ADAMTSL1: variants seen among roughly 807,000 people sequenced by gnomAD.
ADAMTSL1 encodes ADAMTS like 1, also known as ADAMTS-like protein 1.
Under a neutral mutation model 201.8 loss-of-function variants are expected in ADAMTSL1, and 126 were observed. The observed-to-expected ratio is 0.62, with a 90% CI of 0.54 to 0.72. The LOEUF (loss-of-function observed/expected upper bound fraction) is 0.72, where lower values mean the gene tolerates loss of function less well. Among genes scored for constraint, ADAMTSL1 ranks in the 30% least tolerant of loss-of-function variants. ADAMTSL1 has a pLI of 0.00. For missense variants in ADAMTSL1, 2,679 were observed against 2,277.8 expected, an observed-to-expected ratio of 1.18 and a Z score of -3.59; for synonymous variants, 1,121 against 903.4, an observed-to-expected ratio of 1.24 and a Z score of -4.32.
At chr9:18,279,881 G>C (rs775219049) in intron 2 of ADAMTSL1, among the ~76,000 whole-genome samples, 1 of 152,160 alleles carries the variant, frequency 6.6e-6, no homozygotes, top group Admixed American at 6.5e-5. Flanking sequence ...GGGGCCACCA[G>C]GACCAGCCTG....
chr9:18,170,725 C>T (rs528388179), intron 2 of ADAMTSL1, among the ~76,000 whole-genome samples: 1 of 152,020 alleles, frequency 6.6e-6, no homozygotes. Context: ...AGATAGTAAA[C>T]TACTGGTTAG....
chr9:18,794,590 A>G (rs1317321532), intron 19 of ADAMTSL1, among the ~76,000 whole-genome samples: 1 of 151,898 alleles, frequency 6.6e-6, no homozygotes, highest in African/African-American at 2.4e-5. Flanking sequence ...TTCTACCTGC[A>G]AACCTGAACA....
intron 2 of ADAMTSL1, among the ~76,000 whole-genome samples, chr9:18,307,388 C>T (rs1833950097): frequency 6.6e-6 from 1 of 152,052 alleles, no homozygotes; most frequent in Non-Finnish European, 1.5e-5. Flanking sequence ...CCAATTAAGA[C>T]ACAGACTGGA....
chr9:18,599,940 C>G (rs1824519687), intron 4 of ADAMTSL1, among the ~76,000 whole-genome samples: 1 of 135,316 alleles, frequency 7.4e-6, no homozygotes, highest in South Asian at 2.3e-4. Context: ...ATCAGAAGGT[C>G]AGGAAATCGA....
At chr9:18,610,000 C>T (rs746632362) in intron 4 of ADAMTSL1, among the ~76,000 whole-genome samples, 3 of 152,188 alleles carry the variant, frequency 2.0e-5, no homozygotes, top group Non-Finnish European at 4.4e-5. Flanking sequence ...CAATGTCATG[C>T]TGCCTCTTTT....
At chr9:18,187,849 A>C (rs551039510) in intron 2 of ADAMTSL1, among the ~76,000 whole-genome samples, 28 of 152,292 alleles carry the variant, frequency 1.8e-4, no homozygotes, top group Middle Eastern at 3.4e-3. Flanking sequence ...TGTCACTAAG[A>C]AGGAAATAAA....
chr9:18,806,929 G>T (rs4977446), intron 20 of ADAMTSL1, among the ~76,000 whole-genome samples: 52,095 of 151,724 alleles, frequency 0.34, 9,144 homozygotes, highest in East Asian at 0.5. Context: ...AGGCTCTCCT[G>T]TTGTGTAAGA....
chr9:18,589,195 C>A (rs374372187), intron 4 of ADAMTSL1, among the ~76,000 whole-genome samples: 1 of 151,992 alleles, frequency 6.6e-6, no homozygotes, highest in South Asian at 2.1e-4. Flanking sequence ...AATATTAATT[C>A]TTCTAATCCA....
intron 3 of ADAMTSL1, among the ~76,000 whole-genome samples, chr9:18,555,767 C>G (rs1821072879): frequency 1.3e-5 from 2 of 151,820 alleles, no homozygotes; most frequent in South Asian, 4.2e-4. Flanking sequence ...ATCATGTCAG[C>G]CAGAGGAGTG....
At chr9:18,402,750 C>T (rs1818031838) in intron 2 of ADAMTSL1, among the ~76,000 whole-genome samples, 1 of 152,158 alleles carries the variant, frequency 6.6e-6, no homozygotes, top group Non-Finnish European at 1.5e-5. Context: ...GTTCAGGCAC[C>T]ATTCCTTCCA....
intron 2 of ADAMTSL1, among the ~76,000 whole-genome samples, chr9:18,189,665 T>C (rs1828888393): frequency 6.6e-6 from 1 of 152,130 alleles, no homozygotes. Context: ...CTGTATAGGG[T>C]AAAAGCCTGA....
chr9:17,984,901 A>G (rs912093959), intron 1 of ADAMTSL1, among the ~76,000 whole-genome samples: 1 of 152,134 alleles, frequency 6.6e-6, no homozygotes, highest in South Asian at 2.1e-4. Flanking sequence ...TTTAAATGTT[A>G]CTTAAATTTT....
chr9:18,442,851 A>G (rs984035430), intron 2 of ADAMTSL1, among the ~76,000 whole-genome samples: 3 of 152,180 alleles, frequency 2.0e-5, no homozygotes, highest in African/African-American at 7.2e-5. Flanking sequence ...CTGCCCTCCA[A>G]GGGAGAGCAG....
intron 14 of ADAMTSL1, among the ~76,000 whole-genome samples, chr9:18,719,686 A>G (rs1053988277): frequency 1.1e-4 from 16 of 152,216 alleles, no homozygotes; most frequent in East Asian, 3.9e-4. Context: ...TTTTTAAAAA[A>G]TGTTTAATTT....
chr9:18,544,343 G>A (rs1820344883), intron 3 of ADAMTSL1, among the ~76,000 whole-genome samples: 2 of 152,028 alleles, frequency 1.3e-5, no homozygotes, highest in African/African-American at 4.8e-5. Flanking sequence ...ATATTCCTTG[G>A]CTAAGGACAA....
At chr9:18,772,128 G>T (rs754487148) in intron 17 of ADAMTSL1, among the ~76,000 whole-genome samples, 3 of 152,148 alleles carry the variant, frequency 2.0e-5, no homozygotes, top group Non-Finnish European at 4.4e-5. Context: ...CAATTTTTCC[G>T]TGGGAATGTT....
chr9:18,024,870 A>T (rs955447409), intron 1 of ADAMTSL1, among the ~76,000 whole-genome samples: 2 of 152,034 alleles, frequency 1.3e-5, no homozygotes, highest in African/African-American at 4.8e-5. Flanking sequence ...GTGAACTAAT[A>T]CACATTCCAC....
At chr9:17,921,025 G>T (rs965430808) in intron 1 of ADAMTSL1, among the ~76,000 whole-genome samples, 1 of 151,938 alleles carries the variant, frequency 6.6e-6, no homozygotes, top group African/African-American at 2.4e-5. Flanking sequence ...TTCAATTTAG[G>T]GAATATTTAT....
chr9:18,412,101 G>T (rs1272615122), intron 2 of ADAMTSL1, among the ~76,000 whole-genome samples: 2 of 152,176 alleles, frequency 1.3e-5, no homozygotes, highest in African/African-American at 2.4e-5. Flanking sequence ...TCTGGATTTT[G>T]CTAATTGCTT....
Sources: gnomAD v4.1 joint callset for allele counts (sites outside exome capture counted in the v4.1 genomes callset) on GRCh38, gnomAD v4.1.1 for gene constraint, MANE v1.5 for transcripts, NCBI Gene and HGNC (gene_info 2026-07-23, HGNC 2026-07-21) for gene names.